The following GRID2 variants were observed in gnomAD, a reference collection of about 807,000 sequenced individuals.
GRID2 encodes the protein glutamate ionotropic receptor delta type subunit 2, also known as glutamate receptor ionotropic, delta-2.
A neutral mutation model predicts 114.8 loss-of-function variants in GRID2; 33 were observed. The observed-to-expected ratio is 0.29, with a 90% CI of 0.22 to 0.38. The LOEUF is 0.38. Among genes scored for constraint, GRID2 ranks in the 10% least tolerant of loss-of-function variants. The pLI is 1.00. For missense variants in GRID2, 1,184 were observed against 1,257.7 expected (o/e 0.94, Z 0.89); for synonymous variants, 505 against 449.9 (o/e 1.12, Z -1.55).
intron 14 of GRID2, among the ~76,000 whole-genome samples, chr4:93,660,211 A>G (rs934913789): frequency 4.6e-5 from 7 of 152,184 alleles, no homozygotes; most frequent in African/African-American, 1.7e-4. Context: ...TGTCAGTTAA[A>G]ATGCTATCCC....
downstream of GRID2, among the ~76,000 whole-genome samples, chr4:93,775,503 T>A (rs1328456497): frequency 6.6e-6 from 1 of 152,192 alleles, no homozygotes; most frequent in African/African-American, 2.4e-5. Flanking sequence ...CATGGGAAAG[T>A]GAGTACCTCA....
chr4:92,577,399 C>G (rs1727948053), intron 1 of GRID2, among the ~76,000 whole-genome samples: 1 of 152,048 alleles, frequency 6.6e-6, no homozygotes, highest in Admixed American at 6.6e-5. Context: ...CTGTTATCAC[C>G]AAGGATGATG....
chr4:92,598,992 G>C (rs953555280), intron 2 of GRID2, among the ~76,000 whole-genome samples: 8 of 145,924 alleles, frequency 5.5e-5, no homozygotes, highest in African/African-American at 2.0e-4. Context: ...GATTTTGAGT[G>C]CTGTGGTTTT....
chr4:93,047,194 G>A (rs2149276024), intron 2 of GRID2, among the ~76,000 whole-genome samples: 1 of 152,110 alleles, frequency 6.6e-6, no homozygotes. Flanking sequence ...GGAATGTGTG[G>A]GAAACTGCCA....
At chr4:93,732,885 TG>T (rs1310122830) in intron 14 of GRID2, among the ~76,000 whole-genome samples, 6 of 151,772 alleles carry the variant, frequency 4.0e-5, no homozygotes, top group African/African-American at 9.7e-5. Flanking sequence ...AGCAAACATT[TG>T]CTTTGTTGTG....
At chr4:93,259,082 T>C (rs556018581) in intron 8 of GRID2, 55 of 330,094 alleles carry the variant, frequency 1.7e-4, no homozygotes, top group Non-Finnish European at 2.9e-4. Flanking sequence ...TATTTTTCCC[T>C]TTTGCTTTAA....
chr4:93,748,764 C>T lies in GRID2; in HGVS notation c.2361-20446C>T, dbSNP rs4692989. 7.6e-3 allele frequency among the ~76,000 whole-genome samples: 1,160 copies of T among 151,730 alleles called. 49 individuals carry two copies. The highest frequency in any genetic ancestry group is 0.065 in the Admixed American group (983 of 15,230). The stretch of plus-strand genomic sequence containing the variant: ...TGCCAGGTCTGGCATGATATGAAGC[C>T]TGACAGGGACAATAAGGGGACAAAG... On this transcript the variant is annotated intron_variant, in intron 14 of 15. Transcript: ENST00000282020.
intron 2 of GRID2, among the ~76,000 whole-genome samples, chr4:93,041,483 T>G (rs913432041): frequency 1.3e-5 from 2 of 152,190 alleles, no homozygotes; most frequent in African/African-American, 2.4e-5. Flanking sequence ...CATTTCAGAT[T>G]TCTAACTTAA....
intron 2 of GRID2, among the ~76,000 whole-genome samples, chr4:92,739,750 TAGG>T (rs952464327): frequency 2.6e-5 from 4 of 152,126 alleles, no homozygotes; most frequent in African/African-American, 4.8e-5. Flanking sequence ...AAAGAAGTTA[TAGG>T]AGAAGAGGAA....
intron 12 of GRID2, among the ~76,000 whole-genome samples, chr4:93,505,066 C>G (rs1454355118): frequency 6.6e-6 from 1 of 151,810 alleles, no homozygotes; most frequent in Non-Finnish European, 1.5e-5. Flanking sequence ...TTAAGTTTTC[C>G]AAGTCACTGA....
intron 8 of GRID2, among the ~76,000 whole-genome samples, chr4:93,297,854 T>C (rs893840050): frequency 3.3e-5 from 5 of 152,200 alleles, no homozygotes; most frequent in Admixed American, 3.3e-4. Flanking sequence ...TAAGAACCCC[T>C]TAAAATTCAC....
chr4:92,780,064 G>T (rs1200304662), intron 2 of GRID2, among the ~76,000 whole-genome samples: 1 of 152,100 alleles, frequency 6.6e-6, no homozygotes, highest in African/African-American at 2.4e-5. Context: ...AATAGAGAAG[G>T]TGATACATAG....
chr4:92,663,098 C>CA (rs1216472632), intron 2 of GRID2, among the ~76,000 whole-genome samples: 4 of 150,854 alleles, frequency 2.7e-5, no homozygotes, highest in African/African-American at 9.7e-5. Context: ...GTCTTCAGGC[C>CA]ACTACACATA....
chr4:93,171,045 A>G (rs553682354), intron 4 of GRID2, among the ~76,000 whole-genome samples: 1 of 152,286 alleles, frequency 6.6e-6, no homozygotes, highest in African/African-American at 2.4e-5. Flanking sequence ...CAGTACAAAA[A>G]GTAGAATCAT....
chr4:93,133,949 A>C (rs1037889146), intron 4 of GRID2, among the ~76,000 whole-genome samples: 11 of 152,226 alleles, frequency 7.2e-5, no homozygotes, highest in Admixed American at 3.9e-4. Context: ...CATTTGCTTC[A>C]CATAGCAACT....
chr4:92,544,954 A>G (rs939540724), intron 1 of GRID2, among the ~76,000 whole-genome samples: 1 of 151,902 alleles, frequency 6.6e-6, no homozygotes, highest in African/African-American at 2.4e-5. Context: ...CTACTTTTAC[A>G]CCTTTATTCT....
At chr4:92,396,936 C>G (rs1041766850) in intron 1 of GRID2, among the ~76,000 whole-genome samples, 2 of 152,038 alleles carry the variant, frequency 1.3e-5, no homozygotes, top group Non-Finnish European at 2.9e-5. Context: ...AACAGTAGAA[C>G]AAACTGCTGT....
At position 93,647,156 on chromosome 4, in the gene GRID2, A is replaced by G. The variant is rs539139184; in HGVS notation, c.2360+20721A>G. On this transcript the variant is annotated intron_variant, in intron 14 of 15. Transcript: ENST00000282020. Reference sequence around the variant, plus strand: ...GTAGTTATTAAGGGATGCTTAAATGATCTGAGAGATACACTGAAGTGGGTG... The same window carrying G: ...GTAGTTATTAAGGGATGCTTAAATGGTCTGAGAGATACACTGAAGTGGGTG... 5.3e-5 allele frequency among the ~76,000 whole-genome samples: 8 copies of G among 152,310 alleles called. No individual in the cohort carries two copies. In the East Asian group the frequency reaches 1.5e-3, roughly 29 times the overall value.
intron 13 of GRID2, among the ~76,000 whole-genome samples, chr4:93,587,494 A>G (rs1737661413): frequency 6.6e-6 from 1 of 152,104 alleles, no homozygotes; most frequent in Non-Finnish European, 1.5e-5. Context: ...GCCTACATCC[A>G]TATTTGGGGG....
Sources: allele counts gnomAD v4.1 joint callset (sites outside exome capture counted in the v4.1 genomes callset), GRCh38; gene constraint gnomAD v4.1.1; transcripts MANE v1.5; gene names NCBI Gene and HGNC (gene_info 2026-07-23, HGNC 2026-07-21).